Variants in RFX4 observed in about 807,000 individuals in gnomAD.
RFX4 encodes transcription factor RFX4.
A neutral mutation model predicts 95.0 loss-of-function variants in RFX4; 10 were observed. That is an observed-to-expected ratio of 0.11 (90% CI 0.06 to 0.18). The LOEUF is 0.18. Ranked by LOEUF, RFX4 falls within the 10% of genes least tolerant of loss-of-function variation. The pLI, the probability that RFX4 is intolerant of heterozygous loss-of-function variation, is 1.00. For synonymous variants in RFX4, 321 were observed against 340.7 expected, an observed-to-expected ratio of 0.94 and a Z score of 0.64; for missense variants, 640 against 922.0, an observed-to-expected ratio of 0.69 and a Z score of 3.96.
chr12:106,613,228 A>G (rs980614617), intron 2 of RFX4, among the ~76,000 whole-genome samples: 39 of 119,984 alleles, frequency 3.3e-4, no homozygotes, highest in African/African-American at 1.2e-3. Context: ...AAATCAATCA[A>G]TATAATGTAT....
At chr12:106,682,627 A>AGCATCAGTTGCTGCCCTCG (rs1565977258) in intron 5 of RFX4, 7 of 152,188 alleles carry the variant, frequency 4.6e-5, no homozygotes, top group Admixed American at 1.3e-4. Context: ...TGCTGCCCTC[A>AGCATCAGTTGCTGCCCTCG]TGGAGCATAG....
intron 17 of RFX4, among the ~76,000 whole-genome samples, chr12:106,759,583 G>T (rs1419241596): frequency 6.6e-6 from 1 of 152,080 alleles, no homozygotes; most frequent in Non-Finnish European, 1.5e-5. Context: ...AGGCCTGAGG[G>T]TCCACCACTG....
intron 2 of RFX4, among the ~76,000 whole-genome samples, chr12:106,632,850 C>T (rs956305958): frequency 1.3e-5 from 2 of 151,902 alleles, no homozygotes; most frequent in African/African-American, 4.8e-5. Context: ...TCTGGCACTA[C>T]AGGTGCACGC....
intron 2 of RFX4, among the ~76,000 whole-genome samples, chr12:106,616,442 T>C (rs2040075778): frequency 1.3e-5 from 2 of 152,194 alleles, no homozygotes; most frequent in African/African-American, 2.4e-5. Context: ...TTTTATTATG[T>C]TCTTGTCAGG....
chr12:106,653,891 C>G (rs2040904366), intron 3 of RFX4, among the ~76,000 whole-genome samples: 1 of 152,132 alleles, frequency 6.6e-6, no homozygotes, highest in South Asian at 2.1e-4. Context: ...ATTGGGGCAC[C>G]CACAAGACCC....
intron 2 of RFX4, among the ~76,000 whole-genome samples, chr12:106,634,008 C>A (rs2040465684): frequency 6.6e-6 from 1 of 152,156 alleles, no homozygotes; most frequent in South Asian, 2.1e-4. Context: ...GACTGTATGA[C>A]CCTCACATGT....
intron 4 of RFX4, among the ~76,000 whole-genome samples, chr12:106,675,870 C>A (rs2041382483): frequency 6.6e-6 from 1 of 152,050 alleles, no homozygotes; most frequent in African/African-American, 2.4e-5. Flanking sequence ...GGCCGGAGCA[C>A]AGGAATTGGG....
chr12:106,598,970 C>T (rs2039659930), intron 1 of RFX4, among the ~76,000 whole-genome samples: 1 of 152,128 alleles, frequency 6.6e-6, no homozygotes, highest in African/African-American at 2.4e-5. Context: ...CCTGGTTATG[C>T]AATAATGTAC....
At chr12:106,612,197 G>T (rs2039974821) in intron 2 of RFX4, among the ~76,000 whole-genome samples, 2 of 152,114 alleles carry the variant, frequency 1.3e-5, no homozygotes, top group South Asian at 4.1e-4. Flanking sequence ...GATTGCTTTG[G>T]ATAGTTTTAA....
chr12:106,638,156 T>A (rs2040551611), intron 2 of RFX4, among the ~76,000 whole-genome samples: 1 of 152,072 alleles, frequency 6.6e-6, no homozygotes. Flanking sequence ...TACAGGTGCA[T>A]GCCACCACTC....
intron 16 of RFX4, among the ~76,000 whole-genome samples, chr12:106,748,564 T>C (rs778873540): frequency 1.3e-5 from 2 of 152,244 alleles, no homozygotes; most frequent in Non-Finnish European, 2.9e-5. Flanking sequence ...TGAATCCTCA[T>C]AGCTCTTTGC....
chr12:106,631,974 G>A (rs1267147984), intron 2 of RFX4, among the ~76,000 whole-genome samples: 2 of 152,164 alleles, frequency 1.3e-5, no homozygotes, highest in Non-Finnish European at 2.9e-5. Flanking sequence ...TGAACCGGAA[G>A]TGGTTCAATT....
intron 6 of RFX4, 85 bp downstream of exon 6, chr12:106,687,182 T>TCACACA (rs56006444): frequency 5.3e-4 from 289 of 547,070 alleles, no homozygotes; most frequent in Middle Eastern, 1.5e-3. Flanking sequence ...TCTCTCTCTC[T>TCACACA]CACACACACA....
intron 16 of RFX4, among the ~76,000 whole-genome samples, chr12:106,750,437 AC>A (rs763015869): frequency 8.7e-5 from 13 of 149,986 alleles, no homozygotes; most frequent in Admixed American, 2.0e-4. Flanking sequence ...AGATCATGCC[AC>A]TGCACTCCAG....
intron 5 of RFX4, among the ~76,000 whole-genome samples, chr12:106,684,391 A>G (rs187797753): frequency 5.9e-5 from 9 of 152,282 alleles, no homozygotes; most frequent in South Asian, 4.1e-4. Context: ...CTGCACATGT[A>G]TCCCCTGCCT....
At chr12:106,602,653 G>A (rs1384953617) in intron 1 of RFX4, among the ~76,000 whole-genome samples, 1 of 152,160 alleles carries the variant, frequency 6.6e-6, no homozygotes, top group Non-Finnish European at 1.5e-5. Context: ...GGGGTTGGGG[G>A]TAACCTTCGC....
intron 1 of RFX4, among the ~76,000 whole-genome samples, chr12:106,588,613 T>G (rs1280864574): frequency 6.6e-6 from 1 of 152,160 alleles, no homozygotes; most frequent in Non-Finnish European, 1.5e-5. Flanking sequence ...AAGAATGGAT[T>G]GGGTGTAAAA....
intron 2 of RFX4, among the ~76,000 whole-genome samples, chr12:106,621,426 G>T (rs1357087151): frequency 1.3e-5 from 2 of 152,228 alleles, no homozygotes; most frequent in East Asian, 3.9e-4. Context: ...GTACTACTAG[G>T]GTGTGGTTTT....
chr12:106,657,977 C>T (rs1208082450), intron 4 of RFX4, among the ~76,000 whole-genome samples: 2 of 152,082 alleles, frequency 1.3e-5, no homozygotes, highest in South Asian at 2.1e-4. Flanking sequence ...TATACACCTA[C>T]CATGTGAGTA....
Sources: allele counts gnomAD v4.1 joint callset (sites outside exome capture counted in the v4.1 genomes callset), GRCh38; gene constraint gnomAD v4.1.1; transcripts MANE v1.5; gene names NCBI Gene and HGNC (gene_info 2026-07-23, HGNC 2026-07-21).